The following PLA2R1 variants were observed in gnomAD, a reference collection of about 807,000 sequenced individuals.
PLA2R1 encodes phospholipase A2 receptor 1, also known as secretory phospholipase A2 receptor.
A neutral mutation model predicts 195.9 loss-of-function variants in PLA2R1; 158 were observed. The ratio of observed to expected loss-of-function variants is 0.81; its 90% CI spans 0.71 to 0.92. PLA2R1 has a LOEUF of 0.92. Ranked by LOEUF, PLA2R1 falls within the 40% of genes least tolerant of loss-of-function variation. The pLI, the probability that PLA2R1 is intolerant of heterozygous loss-of-function variation, is 0.00. For missense variants in PLA2R1, 1,626 were observed against 1,764.6 expected (o/e 0.92, Z 1.41); for synonymous variants, 586 against 598.2 (o/e 0.98, Z 0.30).
chr2:159,979,929 A>AG lies in PLA2R1; in HGVS notation c.2184-16_2184-15insC, dbSNP rs1440833877. On this transcript the variant is annotated splice_polypyrimidine_tract_variant and intron_variant, in intron 13 of 29. Transcript: ENST00000283243. ...TTTCTTCTGTCCTGTAAAGAGAAGA[A>AG]ACAAAAGCTTTGCCTTTCCCATCAA... 1 of 1,499,270 alleles carries AG rather than the reference A, an allele frequency of 6.7e-7. No individual in the cohort carries two copies. The highest frequency in any genetic ancestry group is 1.4e-5 in the African/African-American group (1 of 72,042). 92.9% of individuals were successfully genotyped at this position (1,499,270 alleles called of 1,614,324 possible).
At chr2:160,018,592 A>ACTGCACTC (rs1692911266) in intron 8 of PLA2R1, among the ~76,000 whole-genome samples, 1 of 152,064 alleles carries the variant, frequency 6.6e-6, no homozygotes, top group Admixed American at 6.6e-5. Flanking sequence ...AGATTGCACC[A>ACTGCACTC]CTGCACTCCA....
intron 10 of PLA2R1, among the ~76,000 whole-genome samples, chr2:160,012,559 T>C (rs1692433020): frequency 1.3e-5 from 2 of 152,142 alleles, no homozygotes; most frequent in Admixed American, 1.3e-4. Context: ...TTTTATAGCT[T>C]TTCTGCTAAA....
chr2:160,038,337 C>T lies in PLA2R1; in HGVS notation c.667+3688G>A, dbSNP rs527810078. 5.3e-5 allele frequency among the ~76,000 whole-genome samples: 8 copies of T among 152,334 alleles called. No individual in the cohort carries two copies. In the South Asian group the frequency reaches 1.7e-3, roughly 32 times the overall value. ...GTTTGTTAAAACACAGATTGCTGGG[C>T]TGCACTTCTAGAATTTCTGATATGA... On this transcript the variant is annotated intron_variant, in intron 3 of 29. Coordinates refer to ENST00000283243, the MANE Select transcript of PLA2R1 (RefSeq NM_007366.5).
At chr2:160,025,588 C>CAAAAAAAA (rs56365741) in intron 6 of PLA2R1, among the ~76,000 whole-genome samples, 597 of 52,812 alleles carry the variant, frequency 0.011, 2 homozygotes, top group Middle Eastern at 0.036. Context: ...AACCATAAAG[C>CAAAAAAAA]AAAAAAAAAA....
rs1295370895 is a variant in PLA2R1 at position 159,949,657 on chromosome 2, G to A, written c.3660C>T (p.Ser1220=). Residue 1220 remains serine, a synonymous_variant, in exon 25 of 30, where the codon AGC becomes AGT. Transcript: ENST00000283243. ...VFADSNGRWH[S]TACESFLQGA... is the part of the protein sequence containing the mutation. ...CTTGCAGAAATGACTCGCAGGCTGT[G>A]CTATGCCAGCGTCCGTTGCTGTCGG... 4.3e-6 allele frequency: 7 copies of A among 1,614,000 alleles called. No homozygotes were observed. The East Asian group carries it at 1.1e-4, about 26-fold the overall frequency.
At chr2:160,015,982 A>AT (rs1692714663) in intron 9 of PLA2R1, among the ~76,000 whole-genome samples, 1 of 152,208 alleles carries the variant, frequency 6.6e-6, no homozygotes. Flanking sequence ...GGAAAACCAT[A>AT]AGTCAGGCAC....
chr2:160,062,355 G>T lies in PLA2R1; in HGVS notation c.49C>A (p.Arg17=). The T allele has an allele frequency of 2.0e-6, 3 of 1,535,828 alleles. No individual in the cohort carries two copies. Among genetic ancestry groups the T allele is most frequent in the Non-Finnish European group, 2.6e-6 (3 of 1,140,978 alleles). ...GCCGCCACACCCTCGGCGCAGCCCC[G>T]CGGCGCCCCCAGCAGCAGCAGCAGC... ...LLLLLLLGAP[R]GCAEGVAAAL... Residue 17 remains arginine (R), a synonymous_variant, in exon 1 of 30, where the codon CGG becomes AGG. Coordinates refer to ENST00000283243, the MANE Select transcript of PLA2R1 (RefSeq NM_007366.5).
the PLA2R1 span, among the ~76,000 whole-genome samples, chr2:159,924,738 G>GA: frequency 7.0e-6 from 1 of 142,060 alleles, no homozygotes; most frequent in South Asian, 2.3e-4. Context: ...CTGGGGGGGG[G>GA]GCGGTGCGAA....
intron 2 of PLA2R1, among the ~76,000 whole-genome samples, chr2:160,043,986 G>A (rs1434605559): frequency 6.6e-6 from 1 of 152,208 alleles, no homozygotes; most frequent in Non-Finnish European, 1.5e-5. Context: ...TCCAGTGCCT[G>A]ATGAATGTGG....
chr2:160,032,011 C>T (rs1362852329), intron 4 of PLA2R1, among the ~76,000 whole-genome samples: 1 of 152,232 alleles, frequency 6.6e-6, no homozygotes, highest in Non-Finnish European at 1.5e-5. Context: ...AACTGATCCA[C>T]CTGCCTTGGC....
At chr2:159,960,297 G>A (rs1688352776) in intron 20 of PLA2R1, among the ~76,000 whole-genome samples, 1 of 151,896 alleles carries the variant, frequency 6.6e-6, no homozygotes, top group Non-Finnish European at 1.5e-5. Context: ...CCTTCATCAC[G>A]TACAGCACAG....
rs1413557404 is a variant in PLA2R1 at position 160,023,018 on chromosome 2, G to A, written c.1100-159C>T. On this transcript the variant is annotated intron_variant, in intron 6 of 29. Transcript: ENST00000283243. ...CATGGAATTCTAGATCTTCAGAGTT[G>A]AGAAGGGTCTAATCTATGATCTAGA... Among the ~76,000 whole-genome samples, 3 of 152,224 alleles carry A rather than the reference G, an allele frequency of 2.0e-5. 1 individual carries two copies. The highest frequency in any genetic ancestry group is 4.4e-5 in the Non-Finnish European group (3 of 68,038).
chr2:160,062,327 G>C lies in PLA2R1; in HGVS notation c.77C>G (p.Ala26Gly). The change falls in exon 1 of 30, where the codon GCG becomes GGG. Residue 26 changes from alanine (A) to glycine (G), a missense_variant. Coordinates refer to ENST00000283243, the MANE Select transcript of PLA2R1 (RefSeq NM_007366.5). ...PRGCAEGVAAALTPERLLEWQ... is the reference protein window; with the variant it reads ...PRGCAEGVAAGLTPERLLEWQ... The stretch of plus-strand genomic sequence containing the variant: ...CTCCAGGAGCCGCTCGGGGGTAAGC[G>C]CCGCCGCCACACCCTCGGCGCAGCC... 5 of 1,524,168 alleles carry C rather than the reference G, an allele frequency of 3.3e-6. No individual in the cohort carries two copies. Among genetic ancestry groups the C allele is most frequent in the Non-Finnish European group, 4.4e-6 (5 of 1,136,306 alleles). The allele number at this position is 1,524,168 out of a possible 1,614,324, so 94.4% of individuals were successfully genotyped here.
At chr2:160,058,320 G>A (rs1377835502) in intron 1 of PLA2R1, among the ~76,000 whole-genome samples, 1 of 152,106 alleles carries the variant, frequency 6.6e-6, no homozygotes, top group African/African-American at 2.4e-5. Context: ...TCCCCAGATA[G>A]GACCTGATGG....
At chr2:160,058,270 G>A (rs1695706341) in intron 1 of PLA2R1, among the ~76,000 whole-genome samples, 5 of 152,048 alleles carry the variant, frequency 3.3e-5, no homozygotes, top group Admixed American at 6.5e-5. Context: ...GCAGCATGTC[G>A]AGAGACACCC....
rs931982422 is a variant in PLA2R1, at chr2:160,062,538, G to C, written c.-135C>G. On this transcript the variant is annotated 5_prime_UTR_variant, in exon 1 of 30. Coordinates refer to ENST00000283243, the MANE Select transcript of PLA2R1 (RefSeq NM_007366.5). ...GCCTCCTCCGCGCCCCACCCCCTCC[G>C]GGGGCCTTGCCAGCCCAGAGCCCTG... The C allele has an allele frequency of 6.5e-6, 9 of 1,382,782 alleles. No individual in the cohort carries two copies. The African/African-American group carries it at 7.7e-5, about 12-fold the overall frequency. 85.7% of individuals were successfully genotyped at this position (1,382,782 alleles called of 1,614,324 possible).
chr2:160,011,694 T>C (rs1039310092), intron 10 of PLA2R1, among the ~76,000 whole-genome samples: 6 of 152,240 alleles, frequency 3.9e-5, no homozygotes, highest in Admixed American at 1.3e-4. Context: ...GTCAGCCTCC[T>C]GTGAAGTCCA....
At position 159,938,917 on chromosome 2, in the gene PLA2R1, A is replaced by T. The variant is rs999564597; in HGVS notation, c.*2861T>A. 6 of 152,202 alleles carry T rather than the reference A, an allele frequency of 3.9e-5. No homozygotes were observed. The highest frequency in any genetic ancestry group is 7.3e-5 in the Non-Finnish European group (5 of 68,034). 9.4% of individuals were successfully genotyped at this position (152,202 alleles called of 1,614,324 possible). A position where few individuals can be genotyped will look rare whatever the true frequency, so the allele number is the denominator to read the frequency against. On this transcript the variant is annotated 3_prime_UTR_variant, in exon 30 of 30. Coordinates refer to ENST00000283243, the MANE Select transcript of PLA2R1 (RefSeq NM_007366.5). ...AAGACTGTTGTAACTGTAAGAGCCC[A>T]ATATATTGTTAAATGGAAAAACCCA... is the stretch of plus-strand genomic sequence containing the variant.
At position 159,949,698 on chromosome 2, in the gene PLA2R1, C is replaced by T. The variant is rs1299070523; in HGVS notation, c.3619G>A (p.Gly1207Ser). 8 of 1,613,720 alleles carry T rather than the reference C, an allele frequency of 5.0e-6. No individual in the cohort carries two copies. Among genetic ancestry groups the T allele is most frequent in the Middle Eastern group, 3.3e-4 (2 of 6,080 alleles). The change falls in exon 25 of 30, where the codon GGT (glycine) becomes AGT (serine). Residue 1207 changes from glycine (G) to serine (S), a missense_variant. Physicochemically the swap from Gly to Ser is moderately conservative, Grantham distance 56. Coordinates refer to ENST00000283243, the MANE Select transcript of PLA2R1 (RefSeq NM_007366.5). Reference sequence around the variant, plus strand: ...TTGCTGTCGGCAAAAACGCAGTCACCAAGGAGGGAGGACTCCTCATCTTTC... The same window carrying T: ...TTGCTGTCGGCAAAAACGCAGTCACTAAGGAGGGAGGACTCCTCATCTTTC... ...FWKDEESSLL[G>S]DCVFADSNGR... is the part of the protein sequence containing the mutation.
Sources: gnomAD v4.1 joint callset for allele counts (sites outside exome capture counted in the v4.1 genomes callset) on GRCh38, gnomAD v4.1.1 for gene constraint, MANE v1.5 for transcripts, NCBI Gene and HGNC (gene_info 2026-07-23, HGNC 2026-07-21) for gene names.